IPCEF1: variants seen among roughly 807,000 people sequenced by gnomAD.
IPCEF1 encodes the protein interaction protein for cytohesin exchange factors 1.
A neutral mutation model predicts 50.9 loss-of-function variants in IPCEF1; 31 were observed. That is an observed-to-expected ratio of 0.61 (90% CI 0.46 to 0.82). The LOEUF is 0.82. IPCEF1 is among the 40% of genes least tolerant of loss of function. The pLI, the probability that IPCEF1 is intolerant of heterozygous loss-of-function variation, is 0.00. For synonymous variants in IPCEF1, 181 were observed against 192.0 expected (o/e 0.94, Z 0.47); for missense variants, 458 against 514.0 (o/e 0.89, Z 1.05).
chr6:154,242,685 G>A (rs1780688063), intron 5 of IPCEF1, among the ~76,000 whole-genome samples: 2 of 152,248 alleles, frequency 1.3e-5, no homozygotes, highest in South Asian at 2.1e-4. Context: ...TCAGGAGTTC[G>A]AGACTAGCCT....
chr6:154,333,724 T>A (rs1233164780), intron 1 of IPCEF1, among the ~76,000 whole-genome samples: 1 of 151,310 alleles, frequency 6.6e-6, no homozygotes, highest in Non-Finnish European at 1.5e-5. Context: ...TGTGTGTATG[T>A]ATATATGTGT....
chr6:154,265,716 A>G (rs1445470971), intron 3 of IPCEF1, among the ~76,000 whole-genome samples, 196 bp downstream of exon 3: 1 of 152,180 alleles, frequency 6.6e-6, no homozygotes, highest in Non-Finnish European at 1.5e-5. Flanking sequence ...TTAAACTTTA[A>G]AAGTAAAAAT....
At chr6:154,239,087 T>G (rs1429604092) in intron 5 of IPCEF1, among the ~76,000 whole-genome samples, 1 of 152,070 alleles carries the variant, frequency 6.6e-6, no homozygotes, top group Non-Finnish European at 1.5e-5. Context: ...ACTCTGGCAA[T>G]GCCCAAGCAT....
At chr6:154,352,649 CAG>C (rs1285516639) in intron 1 of IPCEF1, among the ~76,000 whole-genome samples, 1 of 152,210 alleles carries the variant, frequency 6.6e-6, no homozygotes, top group African/African-American at 2.4e-5. Flanking sequence ...AAGACAAAGA[CAG>C]AAGATTCTTT....
chr6:154,234,784 C>G (rs1779983761), intron 5 of IPCEF1, among the ~76,000 whole-genome samples: 1 of 152,216 alleles, frequency 6.6e-6, no homozygotes, highest in African/African-American at 2.4e-5. Context: ...AATTAAGTTA[C>G]TAGTGAACTT....
chr6:154,216,306 G>A (rs762621377), intron 7 of IPCEF1, among the ~76,000 whole-genome samples: 3 of 152,064 alleles, frequency 2.0e-5, no homozygotes, highest in South Asian at 2.1e-4. Context: ...GGACTAAGAT[G>A]GGGGTGGGGG....
At chr6:154,345,019 G>A (rs752149795) in intron 1 of IPCEF1, among the ~76,000 whole-genome samples, 71 of 152,182 alleles carry the variant, frequency 4.7e-4, no homozygotes, top group Non-Finnish European at 9.1e-4. Flanking sequence ...ACAAGTGCAC[G>A]CCATCACACC....
chr6:154,269,327 G>C (rs1781845293), intron 2 of IPCEF1, among the ~76,000 whole-genome samples: 1 of 152,162 alleles, frequency 6.6e-6, no homozygotes, highest in African/African-American at 2.4e-5. Context: ...TTCGGTCAAA[G>C]AGCAAAAGGG....
intron 1 of IPCEF1, among the ~76,000 whole-genome samples, chr6:154,304,332 T>C (rs369044532): frequency 2.0e-5 from 3 of 152,196 alleles, no homozygotes; most frequent in Non-Finnish European, 1.5e-5. Flanking sequence ...TTAAAGAGTA[T>C]AGTATTCGTG....
In IPCEF1 at chr6:154,331,428, A is replaced by AGAGAGAAAGAAAGAGAAC. The variant is rs1346527639; in HGVS notation, c.-62+25226_-62+25243dup. Among the ~76,000 whole-genome samples the AGAGAGAAAGAAAGAGAAC allele has an allele frequency of 6.0e-5, 9 of 151,104 alleles. No homozygotes were observed. In the South Asian group the frequency reaches 1.7e-3, roughly 28 times the overall value. ...GAAAGAGAGAGAAAAAGAAAGAGAG[A>AGAGAGAAAGAAAGAGAAC]GAGAGAAAGAAAGAGAACGAAAGAA... On this transcript the variant is annotated intron_variant, in intron 1 of 11. Coordinates refer to ENST00000367220, the MANE Select transcript of IPCEF1 (RefSeq NM_001130700.2).
At chr6:154,246,935 CAAA>C (rs10543127) in intron 4 of IPCEF1, 175 bp from the exon 5 acceptor site, 13,676 of 249,420 alleles carry the variant, frequency 0.055, 12 homozygotes, top group Middle Eastern at 0.084. Context: ...AAAACCAATG[CAAA>C]AAAAAAAAAA....
intron 2 of IPCEF1, among the ~76,000 whole-genome samples, chr6:154,269,723 C>G (rs1328434281): frequency 6.6e-6 from 1 of 152,082 alleles, no homozygotes; most frequent in African/African-American, 2.4e-5. Context: ...GAAGAACCAC[C>G]AAAATAAGCT....
chr6:154,215,244 T>C (rs1396311396), intron 7 of IPCEF1, among the ~76,000 whole-genome samples: 1 of 152,194 alleles, frequency 6.6e-6, no homozygotes, highest in South Asian at 2.1e-4. Flanking sequence ...TGTCAGATAA[T>C]TAGGAATCCT....
intron 1 of IPCEF1, among the ~76,000 whole-genome samples, chr6:154,311,095 T>C (rs922043718): frequency 6.6e-6 from 1 of 152,146 alleles, no homozygotes; most frequent in Non-Finnish European, 1.5e-5. Context: ...TATACATAAA[T>C]CAAAACAACA....
At chr6:154,172,577 T>C (rs1049137131) in intron 10 of IPCEF1, among the ~76,000 whole-genome samples, 4 of 152,300 alleles carry the variant, frequency 2.6e-5, no homozygotes, top group African/African-American at 9.6e-5. Flanking sequence ...TGCTGGAGCT[T>C]GGCAAGGGGA....
At chr6:154,318,105 TG>T (rs1482153835) in intron 1 of IPCEF1, among the ~76,000 whole-genome samples, 1 of 152,216 alleles carries the variant, frequency 6.6e-6, no homozygotes, top group East Asian at 1.9e-4. Context: ...ACAAGCCACA[TG>T]ACAACTTTGC....
chr6:154,220,395 C>T (rs1196413876), intron 7 of IPCEF1, among the ~76,000 whole-genome samples: 4 of 152,168 alleles, frequency 2.6e-5, no homozygotes, highest in Admixed American at 6.5e-5. Context: ...CGGTGGCTTA[C>T]GCCTTAGTTC....
At chr6:154,170,639 C>T (rs1441490226) in intron 10 of IPCEF1, among the ~76,000 whole-genome samples, 1 of 152,204 alleles carries the variant, frequency 6.6e-6, no homozygotes, top group African/African-American at 2.4e-5. Context: ...ACTTTTGGCT[C>T]ACACCGTGTG....
intron 9 of IPCEF1, among the ~76,000 whole-genome samples, chr6:154,203,385 C>T (rs1777230364): frequency 6.6e-6 from 1 of 152,168 alleles, no homozygotes; most frequent in Non-Finnish European, 1.5e-5. Flanking sequence ...TGTGTATCAA[C>T]TTACACAGTT....
Sources: allele counts gnomAD v4.1 joint callset (sites outside exome capture counted in the v4.1 genomes callset), GRCh38; gene constraint gnomAD v4.1.1; transcripts MANE v1.5; gene names NCBI Gene and HGNC (gene_info 2026-07-23, HGNC 2026-07-21).